Variants in MPPED2 observed in about 807,000 individuals in gnomAD.
The protein encoded by MPPED2 is metallophosphoesterase domain containing 2, also known as metallophosphoesterase MPPED2.
Under a neutral mutation model 33.0 loss-of-function variants are expected in MPPED2, and 5 were observed. The ratio of observed to expected loss-of-function variants is 0.15; its 90% CI spans 0.08 to 0.32. The LOEUF is 0.32. Among genes scored for constraint, MPPED2 ranks in the 10% least tolerant of loss-of-function variants. MPPED2 has a pLI of 1.00. For synonymous variants in MPPED2, 136 were observed against 141.9 expected (o/e 0.96, Z 0.29); for missense variants, 275 against 372.1 (o/e 0.74, Z 2.15).
rs1170073021 is a variant in MPPED2, at chr11:30,410,975, G to C, written c.*493C>G. ...TCTTTTCCATGCCTACTTCTGTTGA[G>C]AAGATTGCTATAAATTGGGACCACA... On this transcript the variant is annotated 3_prime_UTR_variant, in exon 7 of 7. Coordinates refer to ENST00000358117, the MANE Select transcript of MPPED2 (RefSeq NM_001584.3). 21 of 985,648 alleles carry C rather than the reference G, an allele frequency of 2.1e-5. No homozygotes were observed. The highest frequency in any genetic ancestry group is 2.5e-5 in the Non-Finnish European group (21 of 829,966). The allele number at this position is 985,648 out of a possible 1,614,324, so 61.1% of individuals were successfully genotyped here.
At chr11:30,534,758 A>G (rs934661875) in intron 3 of MPPED2, among the ~76,000 whole-genome samples, 1 of 152,202 alleles carries the variant, frequency 6.6e-6, no homozygotes, top group Non-Finnish European at 1.5e-5. Context: ...ATCAATAGAA[A>G]CAAAACGACA....
chr11:30,466,606 G>C (rs1950716277), intron 4 of MPPED2, among the ~76,000 whole-genome samples: 1 of 152,224 alleles, frequency 6.6e-6, no homozygotes, highest in Non-Finnish European at 1.5e-5. Context: ...TGAATGCAAA[G>C]AGCAAAGGAT....
intron 2 of MPPED2, among the ~76,000 whole-genome samples, chr11:30,564,195 A>G (rs1231672126): frequency 6.6e-6 from 1 of 151,840 alleles, no homozygotes; most frequent in Non-Finnish European, 1.5e-5. Context: ...CTTCTAATTG[A>G]CCCCAAGGTA....
chr11:30,425,546 C>T (rs1345826921), intron 4 of MPPED2: 1 of 152,088 alleles, frequency 6.6e-6, no homozygotes, highest in African/African-American at 2.4e-5. Flanking sequence ...ACATGACGCC[C>T]ATCCATCATG....
chr11:30,403,246 C>CAAAAAA (rs757620790), intron 6 of MPPED2, among the ~76,000 whole-genome samples: 1 of 107,686 alleles, frequency 9.3e-6, no homozygotes, highest in Non-Finnish European at 1.8e-5. Context: ...GACTCCGTCT[C>CAAAAAA]AAAAAAAAAA....
At chr11:30,548,252 C>G (rs1955531770) in intron 2 of MPPED2, among the ~76,000 whole-genome samples, 1 of 151,614 alleles carries the variant, frequency 6.6e-6, no homozygotes, top group African/African-American at 2.4e-5. Context: ...GTCTCTCTCT[C>G]TCCCAGCCTG....
intron 3 of MPPED2, among the ~76,000 whole-genome samples, chr11:30,512,149 T>C (rs1197606983): frequency 6.6e-6 from 1 of 152,182 alleles, no homozygotes; most frequent in Non-Finnish European, 1.5e-5. Flanking sequence ...AACTCTATTG[T>C]CATTGGGCTT....
At chr11:30,498,866 T>C (rs1952423966) in intron 3 of MPPED2, among the ~76,000 whole-genome samples, 1 of 152,130 alleles carries the variant, frequency 6.6e-6, no homozygotes, top group Non-Finnish European at 1.5e-5. Context: ...TGGTAGGAAG[T>C]GAATTAATGA....
At chr11:30,488,573 G>GGTC (rs1448188752) in intron 4 of MPPED2, among the ~76,000 whole-genome samples, 1 of 152,166 alleles carries the variant, frequency 6.6e-6, no homozygotes, top group African/African-American at 2.4e-5. Flanking sequence ...TTACTGATTT[G>GGTC]GTCATCAATG....
chr11:30,481,554 C>A (rs984933603), intron 4 of MPPED2, among the ~76,000 whole-genome samples: 3 of 152,094 alleles, frequency 2.0e-5, no homozygotes, highest in Non-Finnish European at 2.9e-5. Flanking sequence ...AATCACAAGT[C>A]GAGCCCTGTT....
At chr11:30,534,911 T>C (rs1004221534) in intron 3 of MPPED2, among the ~76,000 whole-genome samples, 3 of 152,090 alleles carry the variant, frequency 2.0e-5, no homozygotes, top group South Asian at 2.1e-4. Flanking sequence ...AAAAAGAATA[T>C]GAAAATTATG....
intron 4 of MPPED2, among the ~76,000 whole-genome samples, chr11:30,483,996 A>G (rs974459486): frequency 6.6e-6 from 1 of 152,226 alleles, no homozygotes; most frequent in Admixed American, 6.5e-5. Context: ...GTTCATTACC[A>G]AGTTTAGGAA....
intron 6 of MPPED2, among the ~76,000 whole-genome samples, chr11:30,393,454 T>C (rs1185860155): frequency 2.6e-5 from 4 of 152,138 alleles, no homozygotes; most frequent in African/African-American, 7.2e-5. Flanking sequence ...TTCCCTTCCC[T>C]TTATCTCAAA....
intron 3 of MPPED2, among the ~76,000 whole-genome samples, chr11:30,517,591 G>A (rs529306526): frequency 7.7e-4 from 117 of 152,262 alleles, no homozygotes; most frequent in African/African-American, 2.8e-3. Flanking sequence ...CTGCTAAAGT[G>A]TAGGCCTATG....
intron 4 of MPPED2, among the ~76,000 whole-genome samples, chr11:30,480,598 A>G (rs1951440491): frequency 6.6e-6 from 1 of 152,150 alleles, no homozygotes; most frequent in South Asian, 2.1e-4. Context: ...TGACAAATTT[A>G]ATTTGGAGTT....
rs538834708 is a variant in MPPED2 at position 30,564,839 on chromosome 11, A to G, written c.128+15407T>C. ...AACAAATGCACTCAATTCTATGTGCATGGAATGCATTCATGCCCCCCAATC... is the reference window on the plus strand; with the variant it reads ...AACAAATGCACTCAATTCTATGTGCGTGGAATGCATTCATGCCCCCCAATC... On this transcript the variant is annotated intron_variant, in intron 2 of 6. Coordinates refer to ENST00000358117, the MANE Select transcript of MPPED2 (RefSeq NM_001584.3). Among the ~76,000 whole-genome samples the G allele has an allele frequency of 6.6e-5, 10 of 152,336 alleles. No individual in the cohort carries two copies. In the South Asian group the frequency reaches 2.1e-3, roughly 32 times the overall value.
chr11:30,479,698 T>G (rs1951391617), intron 4 of MPPED2, among the ~76,000 whole-genome samples: 2 of 152,126 alleles, frequency 1.3e-5, no homozygotes, highest in African/African-American at 4.8e-5. Flanking sequence ...TCACTAATAA[T>G]AAATTTTATG....
intron 5 of MPPED2, among the ~76,000 whole-genome samples, chr11:30,416,338 T>C (rs1948357237): frequency 6.6e-6 from 1 of 152,252 alleles, no homozygotes; most frequent in African/African-American, 2.4e-5. Context: ...TGTTTCTTTG[T>C]GAAACATGGG....
chr11:30,532,392 C>T (rs902775214), intron 3 of MPPED2, among the ~76,000 whole-genome samples: 2 of 152,148 alleles, frequency 1.3e-5, no homozygotes, highest in Non-Finnish European at 2.9e-5. Context: ...CATTTTTATA[C>T]ATTTTGGTGC....
Sources: gnomAD v4.1 joint callset for allele counts (sites outside exome capture counted in the v4.1 genomes callset) on GRCh38, gnomAD v4.1.1 for gene constraint, MANE v1.5 for transcripts, NCBI Gene and HGNC (gene_info 2026-07-23, HGNC 2026-07-21) for gene names.